The following ADCY8 variants were observed in gnomAD, a reference collection of about 807,000 sequenced individuals.
ADCY8 encodes adenylate cyclase type 8.
ADCY8 carries 51 observed loss-of-function variants against 119.7 expected under a neutral mutation model. The observed-to-expected ratio is 0.43, with a 90% CI of 0.34 to 0.54. The LOEUF is 0.54. Ranked by LOEUF, ADCY8 falls within the 20% of genes least tolerant of loss-of-function variation. The pLI is 0.03. For missense variants in ADCY8, 1,383 were observed against 1,598.8 expected (o/e 0.87, Z 2.30); for synonymous variants, 665 against 651.0 (o/e 1.02, Z -0.33).
At chr8:130,852,469 G>A (rs1474199964) in intron 9 of ADCY8, among the ~76,000 whole-genome samples, 1 of 152,184 alleles carries the variant, frequency 6.6e-6, no homozygotes, top group Non-Finnish European at 1.5e-5. Context: ...ATAAATGAAA[G>A]AGAATGCAGG....
At chr8:130,790,406 T>G (rs1462281152) in intron 15 of ADCY8, among the ~76,000 whole-genome samples, 3 of 152,180 alleles carry the variant, frequency 2.0e-5, no homozygotes, top group Non-Finnish European at 4.4e-5. Context: ...GGGGCTATGA[T>G]AGTACACAAT....
chr8:130,971,563 AAAGG>A (rs748176143), intron 2 of ADCY8, among the ~76,000 whole-genome samples: 37 of 152,204 alleles, frequency 2.4e-4, no homozygotes, highest in Non-Finnish European at 2.9e-4. Flanking sequence ...TTACTGAAGA[AAAGG>A]TTACTACTCT....
chr8:131,001,298 C>G (rs1367391495), intron 1 of ADCY8, among the ~76,000 whole-genome samples: 1 of 152,006 alleles, frequency 6.6e-6, no homozygotes, highest in Non-Finnish European at 1.5e-5. Flanking sequence ...AGTAGGTGGG[C>G]GTCCTGAGAG....
At chr8:131,014,218 G>A (rs1823398468) in intron 1 of ADCY8, among the ~76,000 whole-genome samples, 1 of 152,118 alleles carries the variant, frequency 6.6e-6, no homozygotes, top group Non-Finnish European at 1.5e-5. Context: ...CTATTAACAA[G>A]CATTTAGTTT....
intron 2 of ADCY8, among the ~76,000 whole-genome samples, chr8:130,961,138 C>G (rs1365261528): frequency 6.6e-6 from 1 of 152,102 alleles, no homozygotes; most frequent in Non-Finnish European, 1.5e-5. Flanking sequence ...GAGACGGAGT[C>G]TCACTCTGTC....
intron 15 of ADCY8, among the ~76,000 whole-genome samples, chr8:130,792,007 G>T (rs1050125125): frequency 6.6e-6 from 1 of 152,142 alleles, no homozygotes; most frequent in African/African-American, 2.4e-5. Context: ...TAGACTGATT[G>T]CTTCCATTTT....
chr8:130,933,938 A>G (rs1356414498), intron 5 of ADCY8, among the ~76,000 whole-genome samples: 7 of 152,138 alleles, frequency 4.6e-5, no homozygotes. Context: ...ACTGGTGGAG[A>G]CTTCAAAGTT....
At chr8:130,801,979 G>A (rs1006369354) in intron 14 of ADCY8, among the ~76,000 whole-genome samples, 2 of 135,804 alleles carry the variant, frequency 1.5e-5, no homozygotes, top group Admixed American at 8.2e-5. Context: ...CCCACTGAAT[G>A]GCTCAACTTT....
At chr8:130,849,121 C>T (rs1817429108) in intron 10 of ADCY8, among the ~76,000 whole-genome samples, 1 of 152,134 alleles carries the variant, frequency 6.6e-6, no homozygotes, top group Admixed American at 6.6e-5. Flanking sequence ...GGGCGTGGGT[C>T]ATGGAGTCAG....
At chr8:130,815,107 C>T (rs1288755184) in intron 13 of ADCY8, among the ~76,000 whole-genome samples, 1 of 152,162 alleles carries the variant, frequency 6.6e-6, no homozygotes, top group African/African-American at 2.4e-5. Flanking sequence ...CTCGCTCTTT[C>T]TCTCTCCACA....
intron 1 of ADCY8, among the ~76,000 whole-genome samples, chr8:131,001,494 T>G (rs1180802793): frequency 6.6e-6 from 1 of 151,610 alleles, no homozygotes; most frequent in African/African-American, 2.4e-5. Context: ...AACCCTTGCC[T>G]CATACAAGTG....
chr8:130,868,375 A>C (rs1018337014), intron 8 of ADCY8, among the ~76,000 whole-genome samples: 3 of 152,174 alleles, frequency 2.0e-5, no homozygotes, highest in Non-Finnish European at 4.4e-5. Context: ...TTTTATTAAA[A>C]ATAAATTCTC....
At chr8:130,851,347 G>C (rs1451825027) in intron 9 of ADCY8, among the ~76,000 whole-genome samples, 1 of 152,192 alleles carries the variant, frequency 6.6e-6, no homozygotes, top group Non-Finnish European at 1.5e-5. Flanking sequence ...AATCAAGGGA[G>C]GCTTCATAAA....
chr8:130,945,112 G>A (rs1370239920), intron 3 of ADCY8, among the ~76,000 whole-genome samples: 2 of 152,190 alleles, frequency 1.3e-5, no homozygotes, highest in Non-Finnish European at 2.9e-5. Context: ...GGAAGAATAA[G>A]TGTATGTATC....
intron 11 of ADCY8, among the ~76,000 whole-genome samples, chr8:130,843,592 C>T (rs1817210393): frequency 6.6e-6 from 1 of 152,130 alleles, no homozygotes. Flanking sequence ...CTGACTGATG[C>T]CCAGTGCCTT....
chr8:130,903,395 G>A (rs1287442157), intron 7 of ADCY8, among the ~76,000 whole-genome samples: 1 of 151,638 alleles, frequency 6.6e-6, no homozygotes, highest in African/African-American at 2.4e-5. Flanking sequence ...CCGAAAAAGG[G>A]GCATTCCCAT....
intron 14 of ADCY8, among the ~76,000 whole-genome samples, chr8:130,809,590 G>A (rs1816096078): frequency 1.8e-3 from 1 of 546 alleles, no homozygotes; most frequent in Admixed American, 0.011. Flanking sequence ...ATTAACATCT[G>A]GTCCTAGGAG....
chr8:130,842,220 TA>T, intron 11 of ADCY8, among the ~76,000 whole-genome samples: 1 of 152,330 alleles, frequency 6.6e-6, no homozygotes, highest in Non-Finnish European at 1.5e-5. Context: ...ATTTTGTCTT[TA>T]TTATGGCTTG....
intron 5 of ADCY8, among the ~76,000 whole-genome samples, chr8:130,936,781 C>T (rs999429463): frequency 2.0e-5 from 3 of 152,180 alleles, no homozygotes; most frequent in Non-Finnish European, 4.4e-5. Context: ...TGCACTGTAA[C>T]ATCCCTGAAG....
Sources: allele counts gnomAD v4.1 joint callset (sites outside exome capture counted in the v4.1 genomes callset), GRCh38; gene constraint gnomAD v4.1.1; transcripts MANE v1.5; gene names NCBI Gene and HGNC (gene_info 2026-07-23, HGNC 2026-07-21).